Variants in TMEM132D observed in about 807,000 individuals in gnomAD.
TMEM132D encodes transmembrane protein 132D, also known as mature OL transmembrane protein.
TMEM132D carries 21 observed loss-of-function variants against 62.3 expected under a neutral mutation model. The observed-to-expected ratio is 0.34, with a 90% CI of 0.24 to 0.49. The LOEUF is 0.49. Ranked by LOEUF, TMEM132D falls within the 20% of genes least tolerant of loss-of-function variation. The pLI, the probability that TMEM132D is intolerant of heterozygous loss-of-function variation, is 0.99. For synonymous variants in TMEM132D, 621 were observed against 575.6 expected, an observed-to-expected ratio of 1.08 and a Z score of -1.13; for missense variants, 1,346 against 1,402.8, an observed-to-expected ratio of 0.96 and a Z score of 0.65.
At chr12:129,338,822 C>T (rs1210447897) in intron 3 of TMEM132D, among the ~76,000 whole-genome samples, 7 of 152,142 alleles carry the variant, frequency 4.6e-5, no homozygotes, top group African/African-American at 1.2e-4. Context: ...TTTATCACAC[C>T]GTCAATCTCA....
intron 3 of TMEM132D, among the ~76,000 whole-genome samples, chr12:129,354,991 A>G (rs1399297176): frequency 6.6e-6 from 1 of 152,206 alleles, no homozygotes; most frequent in Non-Finnish European, 1.5e-5. Context: ...ACTGATATGA[A>G]TGCTTCAAAT....
intron 3 of TMEM132D, among the ~76,000 whole-genome samples, chr12:129,496,758 A>G (rs1473874605): frequency 6.6e-6 from 1 of 152,176 alleles, no homozygotes; most frequent in Admixed American, 6.5e-5. Flanking sequence ...AACACTACCT[A>G]TGGACCGAAC....
chr12:129,524,351 C>T (rs1421369564), intron 3 of TMEM132D, among the ~76,000 whole-genome samples: 1 of 152,140 alleles, frequency 6.6e-6, no homozygotes, highest in Non-Finnish European at 1.5e-5. Flanking sequence ...CTGGGGGGTT[C>T]TCTTCATAAT....
intron 2 of TMEM132D, among the ~76,000 whole-genome samples, chr12:129,556,297 C>T (rs7309082): frequency 0.13 from 19,232 of 152,132 alleles, 1,537 homozygotes; most frequent in East Asian, 0.42. Flanking sequence ...CTGTTTCTGC[C>T]TCTGCCACCA....
At chr12:129,394,496 G>T (rs7958200) in intron 3 of TMEM132D, among the ~76,000 whole-genome samples, 1 of 152,060 alleles carries the variant, frequency 6.6e-6, no homozygotes, top group Non-Finnish European at 1.5e-5. Context: ...CCGGGCCTGC[G>T]TGAGTTCTTA....
intron 1 of TMEM132D, among the ~76,000 whole-genome samples, chr12:129,780,342 G>T (rs11060550): frequency 6.9e-6 from 1 of 144,282 alleles, no homozygotes; most frequent in Non-Finnish European, 1.5e-5. Context: ...GGTGGGGAGG[G>T]GGGGGGCCGG....
chr12:129,256,213 C>T (rs1040159198), intron 4 of TMEM132D, among the ~76,000 whole-genome samples: 14 of 151,772 alleles, frequency 9.2e-5, no homozygotes, highest in South Asian at 6.3e-4. Context: ...TTAGCACATA[C>T]GATTATACTA....
chr12:129,107,521 T>C (rs1002476513), intron 5 of TMEM132D, among the ~76,000 whole-genome samples: 2 of 152,226 alleles, frequency 1.3e-5, no homozygotes, highest in African/African-American at 4.8e-5. Context: ...GAAGACATTT[T>C]CCAGTGTGGG....
At chr12:129,311,748 G>A (rs374268077) in intron 4 of TMEM132D, among the ~76,000 whole-genome samples, 30 of 152,292 alleles carry the variant, frequency 2.0e-4, no homozygotes, top group African/African-American at 7.0e-4. Context: ...TGGCTGTGAG[G>A]CATGCTGGTA....
intron 4 of TMEM132D, among the ~76,000 whole-genome samples, chr12:129,240,059 C>G (rs1879895489): frequency 6.6e-6 from 1 of 152,154 alleles, no homozygotes; most frequent in Non-Finnish European, 1.5e-5. Flanking sequence ...GGTAGACTTC[C>G]ATTTTCTAGC....
At chr12:129,817,852 ATGTGGTGTGAGGTGTATGTGTGTGTG>A (rs1222361144) in intron 1 of TMEM132D, among the ~76,000 whole-genome samples, 2 of 105,826 alleles carry the variant, frequency 1.9e-5, no homozygotes, top group African/African-American at 7.5e-5. Flanking sequence ...GTGTGTGTGT[ATGTGGTGTGAGGTGTATGTGTGTGTG>A]TGTGGTGTGG....
At chr12:129,284,156 C>T (rs928521829) in intron 4 of TMEM132D, among the ~76,000 whole-genome samples, 3 of 152,186 alleles carry the variant, frequency 2.0e-5, no homozygotes, top group African/African-American at 7.2e-5. Flanking sequence ...ATCTAGTCCC[C>T]GGATGCCTGA....
intron 1 of TMEM132D, among the ~76,000 whole-genome samples, chr12:129,777,241 G>T (rs1248431826): frequency 6.6e-6 from 1 of 152,194 alleles, no homozygotes; most frequent in African/African-American, 2.4e-5. Context: ...GAGGTGCCGA[G>T]AATTAGGGCA....
intron 3 of TMEM132D, among the ~76,000 whole-genome samples, chr12:129,389,762 T>G (rs1283968821): frequency 2.0e-5 from 3 of 152,234 alleles, no homozygotes; most frequent in Non-Finnish European, 4.4e-5. Flanking sequence ...TTTACTCACT[T>G]CATTCATAAA....
chr12:129,525,543 C>T (rs1450121616), intron 3 of TMEM132D, among the ~76,000 whole-genome samples: 1 of 151,994 alleles, frequency 6.6e-6, no homozygotes, highest in Non-Finnish European at 1.5e-5. Context: ...TACATGGGTG[C>T]TTTAAGAATC....
At chr12:129,223,348 C>G (rs1242883204) in intron 4 of TMEM132D, among the ~76,000 whole-genome samples, 1 of 152,146 alleles carries the variant, frequency 6.6e-6, no homozygotes, top group Non-Finnish European at 1.5e-5. Flanking sequence ...GCTCTTGGAA[C>G]TCAGTCACCA....
rs1266523083 is a variant in TMEM132D at position 129,903,297 on chromosome 12, G to C, written c.43C>G (p.Pro15Ala). 7 of 1,554,554 alleles carry C rather than the reference G, an allele frequency of 4.5e-6. No individual in the cohort carries two copies. The South Asian group carries it at 8.3e-5, about 18-fold the overall frequency. Residue 15 changes from proline (P) to alanine (A), a missense_variant, in exon 1 of 9, where the codon CCG becomes GCG. By Grantham distance (27) the Pro-to-Ala change is conservative. Coordinates refer to ENST00000422113, the MANE Select transcript of TMEM132D (RefSeq NM_133448.3). This position sits in a 1 kb window ranked among gnomAD's most constrained non-coding sequence, Gnocchi z 6.2. Reference protein sequence around the residue: ...EMGTLWHHWSPVLISLAALFS... With the variant: ...EMGTLWHHWSAVLISLAALFS... ...AGGGCGGCCAGGCTGATGAGTACCG[G>C]CGACCAGTGGTGCCACAGCGTCCCC...
chr12:129,153,286 C>T (rs1223266163), intron 5 of TMEM132D, among the ~76,000 whole-genome samples: 1 of 152,190 alleles, frequency 6.6e-6, no homozygotes, highest in African/African-American at 2.4e-5. Context: ...AGAGCTATGC[C>T]TGTGGTTCTT....
chr12:129,782,074 A>C (rs1488113699), intron 1 of TMEM132D, among the ~76,000 whole-genome samples: 1 of 152,242 alleles, frequency 6.6e-6, no homozygotes, highest in South Asian at 2.1e-4. Context: ...ATGTGAAAAC[A>C]TATAGCATAG....
Sources: gnomAD v4.1 joint callset for allele counts (sites outside exome capture counted in the v4.1 genomes callset) on GRCh38, gnomAD v4.1.1 for gene constraint, Gnocchi (gnomAD v3.1) non-coding constraint, MANE v1.5 for transcripts, NCBI Gene and HGNC (gene_info 2026-07-23, HGNC 2026-07-21) for gene names.